GLI4: variants seen among roughly 807,000 people sequenced by gnomAD.
GLI4 encodes the protein GLI family zinc finger 4, also known as zinc finger protein GLI4.
GLI4 carries 34 observed loss-of-function variants against 30.9 expected under a neutral mutation model. The ratio of observed to expected loss-of-function variants is 1.10; its 90% CI spans 0.84 to 1.47. The LOEUF (loss-of-function observed/expected upper bound fraction) is 1.47, where lower values mean the gene tolerates loss of function less well. Among genes scored for constraint, GLI4 ranks in the 40% most tolerant of loss-of-function variants. The pLI, the probability that GLI4 is intolerant of heterozygous loss-of-function variation, is 0.00. For synonymous variants in GLI4, 277 were observed against 236.7 expected, an observed-to-expected ratio of 1.17 and a Z score of -1.56; for missense variants, 696 against 538.9, an observed-to-expected ratio of 1.29 and a Z score of -2.89.
At chr8:143,272,891 C>T (rs1815300506) in intron 2 of GLI4, among the ~76,000 whole-genome samples, 1 of 152,174 alleles carries the variant, frequency 6.6e-6, no homozygotes, top group South Asian at 2.1e-4. Flanking sequence ...AGGGTAGAGA[C>T]GGTGCACACC....
chr8:143,275,229 A>C (rs764853007), intron 3 of GLI4: 40 of 1,533,000 alleles, frequency 2.6e-5, no homozygotes, highest in Non-Finnish European at 3.5e-5. Flanking sequence ...AGCTGTGTCC[A>C]GGTCCCCTGC....
chr8:143,269,291 C>T lies in GLI4; in HGVS notation c.-37-69C>T, dbSNP rs1220919269. The T allele has an allele frequency of 1.6e-5, 19 of 1,178,368 alleles. No individual in the cohort carries two copies. The East Asian group carries it at 4.2e-4, about 26-fold the overall frequency. The allele number at this position is 1,178,368 out of a possible 1,614,324, so 73.0% of individuals were successfully genotyped here. The stretch of plus-strand genomic sequence containing the variant: ...TCCCCTTGGAGAGCTGGCATGTTGC[C>T]TCCTCCTGCACCATCCCCCCGACAT... On this transcript the variant is annotated intron_variant, in intron 1 of 3. Transcript: ENST00000340042.
chr8:143,268,740 C>G (rs1250843508), intron 1 of GLI4, among the ~76,000 whole-genome samples: 1 of 152,260 alleles, frequency 6.6e-6, no homozygotes, highest in Non-Finnish European at 1.5e-5. Context: ...GCCAGAGCCT[C>G]TGCTGGGACA....
intron 3 of GLI4, chr8:143,275,683 C>T: frequency 2.4e-6 from 3 of 1,241,184 alleles, no homozygotes; most frequent in African/African-American, 1.5e-5. Flanking sequence ...TCTGGGTCAC[C>T]CTGCAACGCC....
At position 143,274,689 on chromosome 8, in the gene GLI4, C is replaced by T. The variant is rs1815345140; in HGVS notation, c.125-15C>T. 1 of 1,542,894 alleles carries T rather than the reference C, an allele frequency of 6.5e-7. No homozygotes were observed. The highest frequency in any genetic ancestry group is 8.8e-7 in the Non-Finnish European group (1 of 1,140,098). ...CCAGAGGGTGGAGGTGAGCCCCAGCCTCCCTGACCCCCAGGCTCCCCTGGC... is the reference window on the plus strand; with the variant it reads ...CCAGAGGGTGGAGGTGAGCCCCAGCTTCCCTGACCCCCAGGCTCCCCTGGC... On this transcript the variant is annotated splice_polypyrimidine_tract_variant and intron_variant, in intron 2 of 3. Transcript: ENST00000340042.
chr8:143,271,418 C>G (rs1021291685), intron 2 of GLI4, among the ~76,000 whole-genome samples: 1 of 152,226 alleles, frequency 6.6e-6, no homozygotes, highest in Non-Finnish European at 1.5e-5. Flanking sequence ...TCCCAACTTC[C>G]AGGCACTGGG....
chr8:143,275,275 G>A (rs1243887682), intron 3 of GLI4: 2 of 1,502,314 alleles, frequency 1.3e-6, no homozygotes, highest in Non-Finnish European at 1.8e-6. Context: ...GTTCCCTCTG[G>A]GCGATGTTAG....
Position 143,275,930 on chromosome 8 carries a change from C to T in GLI4, c.257C>T (p.Ser86Phe), listed in dbSNP as rs534995459. Reference sequence around the variant, plus strand: ...CCCAAGCCGGAGCAGGCTCCACGCTCTCCTGGCTCTCAGGCCCCTGACGAG... The same window carrying T: ...CCCAAGCCGGAGCAGGCTCCACGCTTTCCTGGCTCTCAGGCCCCTGACGAG... Reference protein sequence around the residue: ...SEPKPEQAPRSPGSQAPDEGA... With the variant: ...SEPKPEQAPRFPGSQAPDEGA... Residue 86 changes from serine (S) to phenylalanine (F), a missense_variant, in exon 4 of 4, where the codon TCT (serine) becomes TTT (phenylalanine). By Grantham distance (155) the Ser-to-Phe change is radical. Transcript: ENST00000340042. 80 of 1,326,062 alleles carry T rather than the reference C, an allele frequency of 6.0e-5. No homozygotes were observed. In the African/African-American group the frequency reaches 1.1e-3, roughly 18 times the overall value. The allele number at this position is 1,326,062 out of a possible 1,614,324, so 82.1% of individuals were successfully genotyped here.
In GLI4 at chr8:143,276,594, C is replaced by T. The variant is rs758217632; in HGVS notation, c.921C>T (p.Ser307=). 5.0e-6 allele frequency: 8 copies of T among 1,612,130 alleles called. No homozygotes were observed. The highest frequency in any genetic ancestry group is 3.3e-5 in the South Asian group (3 of 91,012). ...CSQCGKAFIW[S]SVLIEHQRIH... is the part of the protein sequence containing the mutation. ...AGTGCGGCAAGGCCTTCATCTGGAGCTCCGTGCTCATCGAGCACCAGCGCA... is the reference window on the plus strand; with the variant it reads ...AGTGCGGCAAGGCCTTCATCTGGAGTTCCGTGCTCATCGAGCACCAGCGCA... Residue 307 remains serine, a synonymous_variant, in exon 4 of 4, where the codon AGC becomes AGT. Coordinates refer to ENST00000340042, the MANE Select transcript of GLI4 (RefSeq NM_138465.4).
At position 143,267,537 on chromosome 8, in the gene GLI4, T is replaced by G. The variant is rs1453849691; in HGVS notation, c.-38+53T>G. The G allele has an allele frequency of 8.3e-5, 82 of 985,568 alleles. 1 individual carries two copies. The highest frequency in any genetic ancestry group is 2.4e-6 in the Non-Finnish European group (2 of 829,980). The allele number at this position is 985,568 out of a possible 1,614,324, so 61.1% of individuals were successfully genotyped here. ...CTCCGGGTGCCTGGGACCAGCCCAG[T>G]CCGAGCTCGTGCGCCGTACTCCGCG... On this transcript the variant is annotated intron_variant, in intron 1 of 3. Transcript: ENST00000340042.
At chr8:143,272,655 ACAGC>A (rs1311708669) in intron 2 of GLI4, among the ~76,000 whole-genome samples, 1 of 152,222 alleles carries the variant, frequency 6.6e-6, no homozygotes, top group Non-Finnish European at 1.5e-5. Context: ...CAGCCTGGGC[ACAGC>A]CAGCAGGTGG....
intron 2 of GLI4, among the ~76,000 whole-genome samples, chr8:143,271,650 C>T (rs186258262): frequency 6.6e-6 from 1 of 152,200 alleles, no homozygotes; most frequent in African/African-American, 2.4e-5. Context: ...CCACCCCAGG[C>T]ACATGTGGTC....
At chr8:143,270,845 C>T (rs1206171219) in intron 2 of GLI4, among the ~76,000 whole-genome samples, 2 of 152,200 alleles carry the variant, frequency 1.3e-5, no homozygotes, top group African/African-American at 2.4e-5. Context: ...AGCAGATCAT[C>T]TTGGCACAGC....
chr8:143,270,055 C>T (rs1205057849), intron 2 of GLI4, among the ~76,000 whole-genome samples: 4 of 152,380 alleles, frequency 2.6e-5, no homozygotes, highest in Admixed American at 2.6e-4. Flanking sequence ...TCTACTCCCT[C>T]TCAGAGGTCA....
At position 143,275,961 on chromosome 8, in the gene GLI4, G is replaced by C. The variant is rs913124802; in HGVS notation, c.288G>C (p.Ala96=). 4 of 1,332,064 alleles carry C rather than the reference G, an allele frequency of 3.0e-6. No individual in the cohort carries two copies. The African/African-American group carries it at 6.1e-5, about 20-fold the overall frequency. 82.5% of individuals were successfully genotyped at this position (1,332,064 alleles called of 1,614,324 possible). Residue 96 remains alanine, a synonymous_variant, in exon 4 of 4, where the codon GCG becomes GCC. Transcript: ENST00000340042. ...GCTCTCAGGCCCCTGACGAGGGGGCGGGCGGGGCGCTGCGCAGCCTCCTGA... is the reference window on the plus strand; with the variant it reads ...GCTCTCAGGCCCCTGACGAGGGGGCCGGCGGGGCGCTGCGCAGCCTCCTGA... The part of the protein sequence containing the change: ...SPGSQAPDEG[A]GGALRSLLRS...
intron 3 of GLI4, 85 bp downstream of exon 3, chr8:143,274,887 A>T: frequency 6.7e-7 from 1 of 1,499,196 alleles, no homozygotes; most frequent in Non-Finnish European, 9.0e-7. Context: ...TGGCACCCCC[A>T]ATGCTGGCAC....
intron 2 of GLI4, 137 bp from the exon 3 acceptor site, chr8:143,274,567 C>CG: frequency 6.6e-6 from 5 of 757,562 alleles, no homozygotes; most frequent in Non-Finnish European, 9.7e-6. Context: ...GCCCAAGCAG[C>CG]GGGCCTGCTG....
At chr8:143,274,871 C>T (rs1341180727) in intron 3 of GLI4, 69 bp downstream of exon 3, 6 of 1,508,842 alleles carry the variant, frequency 4.0e-6, no homozygotes, top group Non-Finnish European at 4.5e-6. Flanking sequence ...ACAATGCCCA[C>T]CTCTGTGGCA....
chr8:143,272,034 C>A (rs1815279365), intron 2 of GLI4, among the ~76,000 whole-genome samples: 1 of 152,202 alleles, frequency 6.6e-6, no homozygotes, highest in Non-Finnish European at 1.5e-5. Context: ...AGGCCACGCC[C>A]ACCAGAGCCA....
Sources: gnomAD v4.1 joint callset for allele counts (sites outside exome capture counted in the v4.1 genomes callset) on GRCh38, gnomAD v4.1.1 for gene constraint, MANE v1.5 for transcripts, NCBI Gene and HGNC (gene_info 2026-07-23, HGNC 2026-07-21) for gene names.